ACSF3: variants seen among roughly 807,000 people sequenced by gnomAD.
ACSF3 encodes the protein acyl-CoA synthetase family member 3, also known as malonate--CoA ligase ACSF3, mitochondrial.
ACSF3 carries 78 observed loss-of-function variants against 53.2 expected under a neutral mutation model. The observed-to-expected ratio is 1.47, with a 90% CI of 1.22 to 1.77. The LOEUF is 1.77. Among genes scored for constraint, ACSF3 ranks in the 40% most tolerant of loss-of-function variants. ACSF3 has a pLI of 0.00. For synonymous variants in ACSF3, 414 were observed against 333.1 expected, an observed-to-expected ratio of 1.24 and a Z score of -2.65; for missense variants, 937 against 771.1, an observed-to-expected ratio of 1.22 and a Z score of -2.55.
intron 7 of ACSF3, among the ~76,000 whole-genome samples, chr16:89,128,380 C>T (rs1908590206): frequency 6.6e-6 from 1 of 151,884 alleles, no homozygotes; most frequent in African/African-American, 2.4e-5. Flanking sequence ...CCTGCCTCAG[C>T]CTCCTGAGTA....
intron 3 of ACSF3, among the ~76,000 whole-genome samples, chr16:89,102,021 T>G (rs4782459): frequency 1.3e-5 from 2 of 152,196 alleles, no homozygotes; most frequent in Non-Finnish European, 2.9e-5. Flanking sequence ...GGGAGTGACA[T>G]GCACATGTGC....
At chr16:89,123,753 G>A (rs966164100) in intron 7 of ACSF3, among the ~76,000 whole-genome samples, 18 of 152,190 alleles carry the variant, frequency 1.2e-4, no homozygotes, top group Non-Finnish European at 2.4e-4. Context: ...GGGATGGGAG[G>A]ACACCTTCCC....
chr16:89,137,994 C>T (rs902274455), intron 8 of ACSF3, among the ~76,000 whole-genome samples: 1 of 152,204 alleles, frequency 6.6e-6, no homozygotes, highest in Non-Finnish European at 1.5e-5. Context: ...TGGGTTCTTA[C>T]ATCTGGGCCA....
intron 3 of ACSF3, among the ~76,000 whole-genome samples, chr16:89,102,054 C>G (rs188701317): frequency 6.6e-6 from 1 of 152,250 alleles, no homozygotes; most frequent in East Asian, 1.9e-4. Context: ...CCTGTGCAGG[C>G]AGCAGGCAGT....
intron 6 of ACSF3, among the ~76,000 whole-genome samples, chr16:89,119,387 C>T (rs191700138): frequency 4.8e-4 from 73 of 152,314 alleles, no homozygotes; most frequent in Middle Eastern, 3.4e-3. Flanking sequence ...ACCACGGACG[C>T]GGACAGCAGA....
At chr16:89,145,827 G>C (rs991035086) in intron 9 of ACSF3, 111 bp from the exon 10 acceptor site, 1 of 946,814 alleles carries the variant, frequency 1.1e-6, no homozygotes, top group African/African-American at 1.6e-5. Context: ...GTCCAAGGAC[G>C]GGCTCCAGGG....
intron 7 of ACSF3, among the ~76,000 whole-genome samples, chr16:89,129,912 C>A (rs1908933129): frequency 6.6e-6 from 1 of 152,174 alleles, no homozygotes; most frequent in Admixed American, 6.5e-5. Context: ...TTACCCTCTG[C>A]CTTTAGAGTG....
At chr16:89,136,898 G>A in intron 8 of ACSF3, 1 of 1,230,614 alleles carries the variant, frequency 8.1e-7, no homozygotes, top group South Asian at 1.4e-5. Context: ...CTCCTCTGAC[G>A]GCCACAACGA....
intron 6 of ACSF3, among the ~76,000 whole-genome samples, chr16:89,116,077 G>C (rs191693830): frequency 2.0e-5 from 3 of 152,202 alleles, no homozygotes; most frequent in African/African-American, 7.2e-5. Context: ...AATAGTTTCA[G>C]CTCTTACGTT....
At chr16:89,108,847 A>G (rs909665965) in intron 4 of ACSF3, among the ~76,000 whole-genome samples, 5 of 152,214 alleles carry the variant, frequency 3.3e-5, no homozygotes, top group Non-Finnish European at 4.4e-5. Flanking sequence ...ACATTTACAT[A>G]TAAATCTCTG....
intron 1 of ACSF3, among the ~76,000 whole-genome samples, chr16:89,094,892 C>G (rs917307477): frequency 6.6e-6 from 1 of 152,122 alleles, no homozygotes; most frequent in South Asian, 2.1e-4. Context: ...AAGACACTGT[C>G]TCAATAAATA....
At chr16:89,117,488 A>AGTCAT (rs897952788) in intron 6 of ACSF3, among the ~76,000 whole-genome samples, 2 of 150,418 alleles carry the variant, frequency 1.3e-5, no homozygotes, top group African/African-American at 2.5e-5. Context: ...ACACCGAGGG[A>AGTCAT]GTCATGAGCA....
chr16:89,119,112 C>T (rs1905969497), intron 6 of ACSF3, among the ~76,000 whole-genome samples: 1 of 152,188 alleles, frequency 6.6e-6, no homozygotes, highest in African/African-American at 2.4e-5. Flanking sequence ...ACGGGCGGCA[C>T]CTGGAGTGTG....
intron 4 of ACSF3, 45 bp downstream of exon 4, chr16:89,102,804 C>T (rs1430112608): frequency 1.3e-6 from 2 of 1,522,726 alleles, no homozygotes; most frequent in Non-Finnish European, 1.8e-6. Flanking sequence ...AGACTAGGCG[C>T]CTTTCCCCTG....
intron 10 of ACSF3, 102 bp from the exon 11 acceptor site, chr16:89,153,988 C>CTGCAGGGTCCCAGGG (rs1399696310): frequency 8.0e-7 from 1 of 1,251,942 alleles, no homozygotes; most frequent in Non-Finnish European, 1.1e-6. Flanking sequence ...CCTGGCAAGG[C>CTGCAGGGTCCCAGGG]TGCAGGGTCC....
At chr16:89,118,291 C>G (rs1263634006) in intron 6 of ACSF3, among the ~76,000 whole-genome samples, 1 of 152,270 alleles carries the variant, frequency 6.6e-6, no homozygotes, top group Non-Finnish European at 1.5e-5. Context: ...TGATTTTATC[C>G]TTGCCTTTAA....
intron 6 of ACSF3, among the ~76,000 whole-genome samples, chr16:89,119,606 G>A (rs1202470735): frequency 6.6e-6 from 1 of 152,214 alleles, no homozygotes. Context: ...GAAGAAAGGG[G>A]GCTGAAGCTG....
intron 1 of ACSF3, among the ~76,000 whole-genome samples, chr16:89,095,749 G>A (rs535246615): frequency 1.2e-3 from 178 of 152,328 alleles, no homozygotes; most frequent in African/African-American, 3.6e-3. Flanking sequence ...TGAGCACGGC[G>A]CGGCCGTTTG....
At chr16:89,134,770 C>T (rs776005239) in intron 8 of ACSF3, among the ~76,000 whole-genome samples, 5 of 152,214 alleles carry the variant, frequency 3.3e-5, no homozygotes, top group South Asian at 2.1e-4. Context: ...CCTGACTGGT[C>T]GGGTGTGAGC....
Sources: allele counts gnomAD v4.1 joint callset (sites outside exome capture counted in the v4.1 genomes callset), GRCh38; gene constraint gnomAD v4.1.1; transcripts MANE v1.5; gene names NCBI Gene and HGNC (gene_info 2026-07-23, HGNC 2026-07-21).